Variants in DAB1 observed in about 807,000 individuals in gnomAD.
DAB1 encodes the protein disabled homolog 1.
Under a neutral mutation model 64.6 loss-of-function variants are expected in DAB1, and 15 were observed. That is an observed-to-expected ratio of 0.23 (90% CI 0.16 to 0.36). The LOEUF is 0.36. Among genes scored for constraint, DAB1 ranks in the 10% least tolerant of loss-of-function variants. The pLI, the probability that DAB1 is intolerant of heterozygous loss-of-function variation, is 1.00. For missense variants in DAB1, 596 were observed against 706.7 expected, an observed-to-expected ratio of 0.84 and a Z score of 1.78; for synonymous variants, 235 against 251.9, an observed-to-expected ratio of 0.93 and a Z score of 0.64.
rs562904855 is a variant in DAB1, at chr1:57,026,296, C to T, written c.724-253G>A. On this transcript the variant is annotated intron_variant, in intron 9 of 14. Transcript: ENST00000371236. ...GTCAAGACTGCCCATTAATCACTTC[C>T]CATAAGCAGTAATAACATTACTTCA... Among the ~76,000 whole-genome samples the T allele has an allele frequency of 2.0e-4, 31 of 152,264 alleles. No homozygotes were observed. The South Asian group carries it at 5.6e-3, about 28-fold the overall frequency.
Position 57,283,774 on chromosome 1 carries a change from C to T in DAB1, c.67+7190G>A, listed in dbSNP as rs536627770. 3.9e-5 allele frequency among the ~76,000 whole-genome samples: 6 copies of T among 152,310 alleles called. No individual in the cohort carries two copies. The South Asian group carries it at 1.2e-3, about 32-fold the overall frequency. On this transcript the variant is annotated intron_variant, in intron 2 of 14. Coordinates refer to ENST00000371236, the MANE Select transcript of DAB1 (RefSeq NM_001365792.1). Reference sequence around the variant, plus strand: ...AAGAACATAAGTTGTTTGGGATCTACTGAGTGGAAGGAGCTCCAGCCAGGG... The same window carrying T: ...AAGAACATAAGTTGTTTGGGATCTATTGAGTGGAAGGAGCTCCAGCCAGGG...
intron 5 of DAB1, among the ~76,000 whole-genome samples, chr1:57,889,416 A>G (rs74074568): frequency 0.013 from 1,974 of 152,394 alleles, 47 homozygotes; most frequent in African/African-American, 0.045. Flanking sequence ...ATTTCCACAC[A>G]GGTCTTGACC....
At chr1:57,786,888 A>G (rs1022881710) in intron 6 of DAB1, among the ~76,000 whole-genome samples, 3 of 152,194 alleles carry the variant, frequency 2.0e-5, no homozygotes, top group Non-Finnish European at 4.4e-5. Flanking sequence ...AAATATCATT[A>G]TGGTTTTCTT....
chr1:57,544,127 A>G (rs1570612186), intron 7 of DAB1, among the ~76,000 whole-genome samples: 1 of 152,160 alleles, frequency 6.6e-6, no homozygotes, highest in African/African-American at 2.4e-5. Context: ...AATAAAATAA[A>G]AAGAACAAAT....
At chr1:58,199,880 G>A (rs964449775) in intron 4 of DAB1, among the ~76,000 whole-genome samples, 7 of 152,098 alleles carry the variant, frequency 4.6e-5, no homozygotes, top group Admixed American at 6.6e-5. Flanking sequence ...AGTCATGCAC[G>A]GACCCAAGTT....
At chr1:57,186,861 C>T (rs1264759162) in intron 2 of DAB1, among the ~76,000 whole-genome samples, 1 of 152,144 alleles carries the variant, frequency 6.6e-6, no homozygotes, top group Non-Finnish European at 1.5e-5. Context: ...AATAATTATG[C>T]TCTGTAACTG....
intron 2 of DAB1, among the ~76,000 whole-genome samples, chr1:57,170,322 TTAAA>T (rs1661624413): frequency 6.6e-6 from 1 of 152,138 alleles, no homozygotes; most frequent in South Asian, 2.1e-4. Flanking sequence ...ACAAGTATCA[TTAAA>T]TAATTTTTTC....
intron 7 of DAB1, among the ~76,000 whole-genome samples, chr1:57,618,056 G>A (rs971224102): frequency 6.6e-6 from 1 of 152,154 alleles, no homozygotes; most frequent in African/African-American, 2.4e-5. Flanking sequence ...TCTTCCTCAG[G>A]AAAAGGGAAA....
intron 5 of DAB1, among the ~76,000 whole-genome samples, chr1:58,061,467 A>G (rs1034078643): frequency 6.6e-6 from 1 of 152,080 alleles, no homozygotes; most frequent in Non-Finnish European, 1.5e-5. Flanking sequence ...CTTTTAGAAG[A>G]GTCATACTGA....
At chr1:57,754,200 C>T (rs1460823816) in intron 6 of DAB1, among the ~76,000 whole-genome samples, 1 of 152,160 alleles carries the variant, frequency 6.6e-6, no homozygotes, top group African/African-American at 2.4e-5. Flanking sequence ...TATTCCCTCC[C>T]CATCATCTTT....
At chr1:57,621,836 C>T (rs557853183) in intron 7 of DAB1, among the ~76,000 whole-genome samples, 1 of 152,172 alleles carries the variant, frequency 6.6e-6, no homozygotes, top group Non-Finnish European at 1.5e-5. Flanking sequence ...CCAATTACTT[C>T]TTGACTGAGA....
intron 7 of DAB1, among the ~76,000 whole-genome samples, chr1:57,596,545 A>C (rs937933578): frequency 3.3e-5 from 5 of 152,046 alleles, no homozygotes; most frequent in African/African-American, 1.2e-4. Context: ...TACTGTCTGA[A>C]GCCCTGGGGC....
intron 11 of DAB1, among the ~76,000 whole-genome samples, chr1:57,021,809 G>C (rs1219429117): frequency 1.3e-5 from 2 of 152,064 alleles, no homozygotes; most frequent in Non-Finnish European, 2.9e-5. Flanking sequence ...GGAGACTTGG[G>C]GGACCAAGTC....
intron 9 of DAB1, among the ~76,000 whole-genome samples, chr1:57,035,423 G>A (rs1053098580): frequency 6.6e-6 from 1 of 152,152 alleles, no homozygotes; most frequent in Non-Finnish European, 1.5e-5. Context: ...AAATGTGGGA[G>A]GATAACCAGT....
intron 3 of DAB1, among the ~76,000 whole-genome samples, chr1:58,488,819 C>A (rs190294441): frequency 6.6e-6 from 1 of 152,232 alleles, no homozygotes; most frequent in South Asian, 2.1e-4. Context: ...CCACTGTATA[C>A]GTCTTATGCC....
At chr1:57,133,748 A>G (rs920511376) in intron 4 of DAB1, among the ~76,000 whole-genome samples, 2 of 152,214 alleles carry the variant, frequency 1.3e-5, no homozygotes, top group Non-Finnish European at 2.9e-5. Flanking sequence ...GGTTTTTAAA[A>G]AAAGTGCAGT....
At chr1:58,191,521 G>A (rs535049053) in intron 4 of DAB1, among the ~76,000 whole-genome samples, 1 of 152,180 alleles carries the variant, frequency 6.6e-6, no homozygotes, top group Admixed American at 6.5e-5. Context: ...GGCCGAGAGA[G>A]GGGAACAGGA....
At chr1:58,214,346 C>T (rs1440964163) in intron 4 of DAB1, among the ~76,000 whole-genome samples, 1 of 152,154 alleles carries the variant, frequency 6.6e-6, no homozygotes, top group South Asian at 2.1e-4. Context: ...AAACCTTTTG[C>T]TTATCACTGA....
At chr1:57,986,396 G>A (rs572287207) in intron 5 of DAB1, among the ~76,000 whole-genome samples, 9 of 152,254 alleles carry the variant, frequency 5.9e-5, no homozygotes, top group African/African-American at 2.2e-4. Flanking sequence ...CAGCAAAAAT[G>A]TGCCATCTAT....
Sources: gnomAD v4.1 joint callset for allele counts (sites outside exome capture counted in the v4.1 genomes callset) on GRCh38, gnomAD v4.1.1 for gene constraint, MANE v1.5 for transcripts, NCBI Gene and HGNC (gene_info 2026-07-23, HGNC 2026-07-21) for gene names.